Variants in PPP2R2B observed in about 807,000 individuals in gnomAD.
PPP2R2B encodes the protein protein phosphatase 2 regulatory subunit Bbeta.
PPP2R2B carries 5 observed loss-of-function variants against 46.0 expected under a neutral mutation model. The ratio of observed to expected loss-of-function variants is 0.11; its 90% CI spans 0.06 to 0.23. The LOEUF (loss-of-function observed/expected upper bound fraction) is 0.23, where lower values mean the gene tolerates loss of function less well. PPP2R2B is among the 10% of genes least tolerant of loss of function. The pLI is 1.00. For synonymous variants in PPP2R2B, 215 were observed against 206.7 expected (o/e 1.04, Z -0.34); for missense variants, 367 against 575.0 (o/e 0.64, Z 3.70).
At chr5:146,900,726 C>A (rs1479450403) in intron 1 of PPP2R2B, among the ~76,000 whole-genome samples, 1 of 151,778 alleles carries the variant, frequency 6.6e-6, no homozygotes. Context: ...GCCCATCAAC[C>A]CATTACCTAG....
Position 146,589,848 on chromosome 5 carries a change from A to T in PPP2R2B, c.*99T>A. On this transcript the variant is annotated 3_prime_UTR_variant, in exon 10 of 10. Transcript: ENST00000394411. ...ATTCCAATCATTTCCTGTATAGGGA[A>T]ATTAAAGTCAATGCATCAAATGAAG... is the stretch of plus-strand genomic sequence containing the variant. 8.4e-7 allele frequency: 1 copy of T among 1,185,836 alleles called. No individual in the cohort carries two copies. Among genetic ancestry groups the T allele is most frequent in the Non-Finnish European group, 1.2e-6 (1 of 830,940 alleles). 73.5% of individuals were successfully genotyped at this position (1,185,836 alleles called of 1,614,324 possible). A position where few individuals can be genotyped will look rare whatever the true frequency, so the allele number is the denominator to read the frequency against.
intron 1 of PPP2R2B, among the ~76,000 whole-genome samples, chr5:146,962,793 C>T (rs1752233807): frequency 6.6e-6 from 1 of 152,042 alleles, no homozygotes; most frequent in Admixed American, 6.6e-5. Context: ...TGCCAAAGGC[C>T]CAAAGCTAGA....
At chr5:146,797,157 C>T (rs942542165) in intron 2 of PPP2R2B, among the ~76,000 whole-genome samples, 2 of 152,230 alleles carry the variant, frequency 1.3e-5, no homozygotes, top group African/African-American at 2.4e-5. Context: ...TCTTACATAC[C>T]CCTTTTCAGC....
chr5:146,823,659 T>C (rs932998563), intron 2 of PPP2R2B, among the ~76,000 whole-genome samples: 1 of 152,118 alleles, frequency 6.6e-6, no homozygotes, highest in Non-Finnish European at 1.5e-5. Context: ...TTTAAAATCT[T>C]GGAAATGGAT....
intron 2 of PPP2R2B, among the ~76,000 whole-genome samples, chr5:146,794,454 G>A (rs1370046131): frequency 6.6e-6 from 1 of 152,178 alleles, no homozygotes; most frequent in Non-Finnish European, 1.5e-5. Context: ...AAGTGTAATA[G>A]CTTTTAACTT....
intron 2 of PPP2R2B, among the ~76,000 whole-genome samples, chr5:146,768,609 C>T (rs1754639154): frequency 6.6e-6 from 1 of 152,152 alleles, no homozygotes; most frequent in Non-Finnish European, 1.5e-5. Context: ...AACTGGCTTT[C>T]CACTGCATTA....
At chr5:146,749,149 T>C (rs1176329043) in intron 2 of PPP2R2B, among the ~76,000 whole-genome samples, 1 of 152,254 alleles carries the variant, frequency 6.6e-6, no homozygotes, top group African/African-American at 2.4e-5. Flanking sequence ...ATTTCCTTAA[T>C]GGCTGATAGT....
At chr5:147,001,848 G>A (rs1386401649) in intron 1 of PPP2R2B, among the ~76,000 whole-genome samples, 2 of 152,120 alleles carry the variant, frequency 1.3e-5, no homozygotes, top group Non-Finnish European at 2.9e-5. Context: ...CTTCGGAGTT[G>A]GGAGCATTGG....
chr5:146,802,746 A>T (rs1034994323), intron 2 of PPP2R2B, among the ~76,000 whole-genome samples: 3 of 152,134 alleles, frequency 2.0e-5, no homozygotes, highest in African/African-American at 7.2e-5. Context: ...CATGGTGGGG[A>T]TGGGATAAGT....
chr5:146,930,954 C>T (rs1365517552), intron 1 of PPP2R2B, among the ~76,000 whole-genome samples: 2 of 152,106 alleles, frequency 1.3e-5, no homozygotes, highest in African/African-American at 4.8e-5. Context: ...CTTAATTGCT[C>T]ACCATATTAT....
At chr5:146,952,385 A>G (rs1751656987) in intron 1 of PPP2R2B, among the ~76,000 whole-genome samples, 1 of 152,092 alleles carries the variant, frequency 6.6e-6, no homozygotes, top group Admixed American at 6.6e-5. Context: ...GATCTTAGTG[A>G]GGCTGTCAAT....
intron 6 of PPP2R2B, among the ~76,000 whole-genome samples, chr5:146,649,486 C>T (rs1775806608): frequency 6.6e-6 from 1 of 151,736 alleles, no homozygotes; most frequent in Admixed American, 6.6e-5. Context: ...GCTCTGTCAC[C>T]CAGACTGGAG....
chr5:146,951,348 C>T (rs1033460181), intron 1 of PPP2R2B, among the ~76,000 whole-genome samples: 3 of 150,540 alleles, frequency 2.0e-5, no homozygotes, highest in East Asian at 3.9e-4. Context: ...TTCCTCATGC[C>T]TTTTTTTTTT....
chr5:146,772,105 A>G (rs1754893925), intron 2 of PPP2R2B, among the ~76,000 whole-genome samples: 1 of 152,122 alleles, frequency 6.6e-6, no homozygotes, highest in African/African-American at 2.4e-5. Context: ...ATTCTGGAAT[A>G]TCCATACTAA....
intron 7 of PPP2R2B, among the ~76,000 whole-genome samples, chr5:146,633,704 A>G (rs1271941608): frequency 6.6e-6 from 1 of 152,204 alleles, no homozygotes; most frequent in Non-Finnish European, 1.5e-5. Context: ...CTCCTTCAGG[A>G]CAGTCACCAG....
chr5:146,895,567 G>A (rs1264095265), intron 1 of PPP2R2B, among the ~76,000 whole-genome samples: 2 of 152,128 alleles, frequency 1.3e-5, no homozygotes, highest in Admixed American at 6.6e-5. Context: ...TCATCACCGT[G>A]TACATGCATA....
At chr5:146,966,271 A>G (rs1752401178) in intron 1 of PPP2R2B, among the ~76,000 whole-genome samples, 1 of 152,176 alleles carries the variant, frequency 6.6e-6, no homozygotes, top group Non-Finnish European at 1.5e-5. Context: ...CAGGTAAGGA[A>G]ATCACGGAGG....
At chr5:146,707,386 AG>A in intron 2 of PPP2R2B, 1 of 791,290 alleles carries the variant, frequency 1.3e-6, no homozygotes, top group Non-Finnish European at 2.3e-6. Context: ...CTTCAGGTTA[AG>A]GGGGTTCAGC....
At chr5:146,996,683 G>A (rs1753937334) in intron 1 of PPP2R2B, among the ~76,000 whole-genome samples, 1 of 152,174 alleles carries the variant, frequency 6.6e-6, no homozygotes, top group South Asian at 2.1e-4. Flanking sequence ...TAATGGAAAG[G>A]AAGAAACTAC....
Sources: allele counts gnomAD v4.1 joint callset (sites outside exome capture counted in the v4.1 genomes callset), GRCh38; gene constraint gnomAD v4.1.1; transcripts MANE v1.5; gene names NCBI Gene and HGNC (gene_info 2026-07-23, HGNC 2026-07-21).